SUPT3H: variants seen among roughly 807,000 people sequenced by gnomAD.
The protein encoded by SUPT3H is SPT3 homolog, SAGA and STAGA complex component.
SUPT3H carries 44 observed loss-of-function variants against 44.3 expected under a neutral mutation model. That is an observed-to-expected ratio of 0.99 (90% CI 0.78 to 1.28). The LOEUF is 1.28. Ranked by LOEUF, SUPT3H falls within the 50% of genes most tolerant of loss-of-function variation. The pLI, the probability that SUPT3H is intolerant of heterozygous loss-of-function variation, is 0.00. For synonymous variants in SUPT3H, 124 were observed against 125.6 expected (o/e 0.99, Z 0.09); for missense variants, 380 against 387.1 (o/e 0.98, Z 0.15).
In SUPT3H at chr6:45,043,142, TACAC is replaced by T. The variant is rs59321114; in HGVS notation, c.187-22514_187-22511del. ...GAGCCTTGTATCTTACATACACACA[TACAC>T]ACACACACACACACACACACACACG... On this transcript the variant is annotated intron_variant, in intron 3 of 10. Coordinates refer to ENST00000371459, the MANE Select transcript of SUPT3H (RefSeq NM_003599.4). Among the ~76,000 whole-genome samples, 454 of 146,880 alleles carry T rather than the reference TACAC, an allele frequency of 3.1e-3. 2 individuals carry two copies. Among genetic ancestry groups the T allele is most frequent in the African/African-American group, 8.9e-3 (352 of 39,444 alleles).
intron 11 of SUPT3H, among the ~76,000 whole-genome samples, chr6:44,813,024 C>T (rs918491543): frequency 3.3e-4 from 50 of 152,120 alleles, no homozygotes; most frequent in African/African-American, 1.2e-3. Flanking sequence ...GGTTAGATTT[C>T]AGAGCTCACC....
chr6:45,348,887 CTA>C (rs1166534544), intron 2 of SUPT3H, among the ~76,000 whole-genome samples: 1 of 152,134 alleles, frequency 6.6e-6, no homozygotes, highest in African/African-American at 2.4e-5. Flanking sequence ...CCCCATTACA[CTA>C]TCTCATAGTA....
chr6:44,984,786 C>A (rs914823280), intron 6 of SUPT3H, among the ~76,000 whole-genome samples: 5 of 152,074 alleles, frequency 3.3e-5, no homozygotes, highest in Non-Finnish European at 7.4e-5. Flanking sequence ...GGACATTAAC[C>A]ATCAGGGCAT....
chr6:44,819,240 G>A (rs1767114445), intron 11 of SUPT3H, among the ~76,000 whole-genome samples: 1 of 152,016 alleles, frequency 6.6e-6, no homozygotes, highest in Non-Finnish European at 1.5e-5. Context: ...AACTTGATAT[G>A]GAATTATTGC....
intron 4 of SUPT3H, among the ~76,000 whole-genome samples, chr6:45,015,374 A>G (rs1314350700): frequency 1.3e-5 from 2 of 152,134 alleles, no homozygotes; most frequent in African/African-American, 4.8e-5. Flanking sequence ...CATGTAAATG[A>G]CAAAAAATGA....
At position 44,986,898 on chromosome 6, in the gene SUPT3H, A is replaced by G. The variant is rs72867412; in HGVS notation, c.504+16755T>C. The stretch of plus-strand genomic sequence containing the variant: ...ATAAGTGCCATGAATAATATAGTAG[A>G]GTAAGGATTTAGAAAAGGATTGATA... On this transcript the variant is annotated intron_variant, in intron 6 of 10. Coordinates refer to ENST00000371459, the MANE Select transcript of SUPT3H (RefSeq NM_003599.4). Among the ~76,000 whole-genome samples, 1,008 of 152,224 alleles carry G rather than the reference A, an allele frequency of 6.6e-3. 4 individuals carry two copies. The highest frequency in any genetic ancestry group is 0.022 in the South Asian group (106 of 4,828).
intron 2 of SUPT3H, among the ~76,000 whole-genome samples, chr6:45,130,612 G>A (rs905815729): frequency 2.7e-5 from 4 of 149,976 alleles, no homozygotes; most frequent in Admixed American, 6.6e-5. Flanking sequence ...AGTAATTTAC[G>A]GGTATCCTTT....
chr6:45,012,501 T>A (rs967365826), intron 5 of SUPT3H, among the ~76,000 whole-genome samples: 3 of 152,114 alleles, frequency 2.0e-5, no homozygotes, highest in South Asian at 2.1e-4. Context: ...TTCTATTTTT[T>A]AAAATAAATT....
chr6:44,839,326 T>C (rs1403180566), intron 10 of SUPT3H, among the ~76,000 whole-genome samples: 1 of 152,124 alleles, frequency 6.6e-6, no homozygotes, highest in Non-Finnish European at 1.5e-5. Flanking sequence ...ATTATTATTT[T>C]TTTTTGAAAC....
At chr6:44,997,665 C>T (rs1230972574) in intron 6 of SUPT3H, among the ~76,000 whole-genome samples, 1 of 151,840 alleles carries the variant, frequency 6.6e-6, no homozygotes, top group African/African-American at 2.4e-5. Flanking sequence ...TTTTATTGCA[C>T]TGCCTAGTGC....
At chr6:45,251,395 G>GCACACACACACA (rs70996313) in intron 2 of SUPT3H, among the ~76,000 whole-genome samples, 8 of 144,860 alleles carry the variant, frequency 5.5e-5, no homozygotes, top group Admixed American at 2.8e-4. Flanking sequence ...AAGAGAAGCT[G>GCACACACACACA]CACACACACA....
At chr6:45,312,682 T>G (rs1250761449) in intron 2 of SUPT3H, among the ~76,000 whole-genome samples, 71 of 42,166 alleles carry the variant, frequency 1.7e-3, no homozygotes, top group Non-Finnish European at 2.0e-3. Flanking sequence ...CACAATAATG[T>G]GGGGGGGGGG....
chr6:44,938,264 T>G (rs189340454), intron 9 of SUPT3H, among the ~76,000 whole-genome samples: 1 of 152,240 alleles, frequency 6.6e-6, no homozygotes, highest in East Asian at 1.9e-4. Context: ...TGATAAGAGA[T>G]AGGGGACCAG....
chr6:45,374,557 T>C (rs1171230418), intron 1 of SUPT3H, among the ~76,000 whole-genome samples: 1 of 152,234 alleles, frequency 6.6e-6, no homozygotes, highest in Non-Finnish European at 1.5e-5. Flanking sequence ...ATAATGCATA[T>C]GGCTGAATTA....
intron 5 of SUPT3H, among the ~76,000 whole-genome samples, chr6:45,011,789 T>A (rs1783526172): frequency 6.6e-6 from 1 of 152,128 alleles, no homozygotes; most frequent in African/African-American, 2.4e-5. Context: ...TACTTAATTA[T>A]CTTTATAAAT....
chr6:44,958,968 C>T lies in SUPT3H; in HGVS notation c.580+2785G>A, dbSNP rs1212531518. ...TCGGCTCACTGCAACCTCCACCTCCCGGGTTCTAGTGACTCTCCTGCCTTG... is the reference window on the plus strand; with the variant it reads ...TCGGCTCACTGCAACCTCCACCTCCTGGGTTCTAGTGACTCTCCTGCCTTG... On this transcript the variant is annotated intron_variant, in intron 7 of 10. Coordinates refer to ENST00000371459, the MANE Select transcript of SUPT3H (RefSeq NM_003599.4). Among the ~76,000 whole-genome samples, 4 of 151,174 alleles carry T rather than the reference C, an allele frequency of 2.6e-5. 1 individual carries two copies. The highest frequency in any genetic ancestry group is 4.4e-5 in the Non-Finnish European group (3 of 67,812).
intron 2 of SUPT3H, among the ~76,000 whole-genome samples, chr6:45,240,477 A>G (rs1232364783): frequency 6.6e-6 from 1 of 152,228 alleles, no homozygotes; most frequent in Non-Finnish European, 1.5e-5. Context: ...AGTATTTACC[A>G]TAATAAATCT....
chr6:44,952,519 C>T (rs978280018), intron 9 of SUPT3H, among the ~76,000 whole-genome samples: 7 of 152,168 alleles, frequency 4.6e-5, no homozygotes, highest in Non-Finnish European at 1.0e-4. Flanking sequence ...TTTCAACCAA[C>T]TTGATCCAAA....
chr6:45,260,204 C>A (rs900794305), intron 2 of SUPT3H, among the ~76,000 whole-genome samples: 1 of 152,164 alleles, frequency 6.6e-6, no homozygotes, highest in African/African-American at 2.4e-5. Context: ...ATCATTCCTT[C>A]TTTTCAGTAA....
Sources: gnomAD v4.1 joint callset for allele counts (sites outside exome capture counted in the v4.1 genomes callset) on GRCh38, gnomAD v4.1.1 for gene constraint, MANE v1.5 for transcripts, NCBI Gene and HGNC (gene_info 2026-07-23, HGNC 2026-07-21) for gene names.